Variants in LUZP1 observed in about 807,000 individuals in gnomAD.
LUZP1 encodes filamin mechanobinding actin cross-linking protein.
LUZP1 carries 25 observed loss-of-function variants against 71.3 expected under a neutral mutation model. That is an observed-to-expected ratio of 0.35 (90% CI 0.26 to 0.49). LUZP1 has a LOEUF of 0.49. Among genes scored for constraint, LUZP1 ranks in the 20% least tolerant of loss-of-function variants. LUZP1 has a pLI of 0.99. For missense variants in LUZP1, 1,142 were observed against 1,300.8 expected, an observed-to-expected ratio of 0.88 and a Z score of 1.88; for synonymous variants, 481 against 506.4, an observed-to-expected ratio of 0.95 and a Z score of 0.67.
chr1:23,091,229 G>A, exon 4 of LUZP1: 1 of 1,612,992 alleles, frequency 6.2e-7, no homozygotes, highest in South Asian at 1.1e-5. Flanking sequence ...CAGTGATGGT[G>A]TCTCCTACCC....
At position 23,094,944 on chromosome 1, in the gene LUZP1, T is replaced by A. The variant is rs147320362; in HGVS notation, c.-119-564A>T. On this transcript the variant is annotated intron_variant, in intron 3 of 4. Transcript: ENST00000302291. The surrounding 1 kb of genome is among the most constrained non-coding windows in gnomAD (Gnocchi z 4.7). ...TGAGCTTCACAATATACTAAAACAA[T>A]CTCTCTACACCCATTTTCAACATCT... is the stretch of plus-strand genomic sequence containing the variant. 2.7e-3 allele frequency among the ~76,000 whole-genome samples: 410 copies of A among 152,174 alleles called. 2 individuals are homozygous for A. The South Asian group carries it at 0.037, about 14-fold the overall frequency.
intron 2 of LUZP1, among the ~76,000 whole-genome samples, chr1:23,123,216 G>A (rs1309713981): frequency 2.6e-5 from 4 of 152,108 alleles, no homozygotes; most frequent in East Asian, 1.9e-4. Flanking sequence ...TAGGCTGGCC[G>A]GGCGCGGTGG....
At chr1:23,140,054 G>A (rs75116335) in intron 2 of LUZP1, among the ~76,000 whole-genome samples, 27,641 of 151,960 alleles carry the variant, frequency 0.18, 2,667 homozygotes, top group Middle Eastern at 0.31. Flanking sequence ...GAGAGAGTAA[G>A]GGCTGGGTGT....
chr1:23,087,820 T>C (rs183222708), exon 5 of LUZP1: 4 of 152,778 alleles, frequency 2.6e-5, no homozygotes, highest in Admixed American at 2.0e-4. Context: ...GAAGTCATCA[T>C]GATAGTCGAC....
intron 2 of LUZP1, among the ~76,000 whole-genome samples, chr1:23,131,867 G>T (rs1644218273): frequency 6.6e-6 from 1 of 152,120 alleles, no homozygotes; most frequent in African/African-American, 2.4e-5. Flanking sequence ...TGTATTTTTA[G>T]TAGAGACGAG....
chr1:23,106,627 A>G (rs549985615), intron 3 of LUZP1, among the ~76,000 whole-genome samples: 2 of 152,190 alleles, frequency 1.3e-5, no homozygotes, highest in African/African-American at 4.8e-5. Context: ...CAAAAATTTA[A>G]ATTAAAAAAA....
At position 23,091,973 on chromosome 1, in the gene LUZP1, C is replaced by G; in HGVS notation, c.2289G>C (p.Lys763Asn). The G allele has an allele frequency of 1.2e-6, 2 of 1,614,118 alleles. No homozygotes were observed. Among genetic ancestry groups the G allele is most frequent in the Non-Finnish European group, 1.7e-6 (2 of 1,180,018 alleles). The change falls in exon 4 of 5, where the codon AAG (lysine) becomes AAC (asparagine). Residue 763 changes from lysine (K) to asparagine (N), a missense_variant. Lys to Asn is a moderately conservative substitution (Grantham distance 94). Coordinates refer to ENST00000302291, the Ensembl canonical transcript of LUZP1. ...ATCCTCCCATGATTTTTTTCACATC[C>G]TTATCAACAATAACAGGTTTGATGA...
At chr1:23,099,301 T>C (rs1007234138) in intron 3 of LUZP1, among the ~76,000 whole-genome samples, 2 of 152,350 alleles carry the variant, frequency 1.3e-5, no homozygotes, top group African/African-American at 4.8e-5. Context: ...AATGAGTGTA[T>C]GATACAAAGG....
chr1:23,155,408 A>C (rs1261933242), intron 2 of LUZP1, among the ~76,000 whole-genome samples: 1 of 152,242 alleles, frequency 6.6e-6, no homozygotes, highest in Non-Finnish European at 1.5e-5. Flanking sequence ...GAGTAAACTC[A>C]AGGTCAAATC....
At chr1:23,167,408 C>G (rs1047914367) in intron 2 of LUZP1, among the ~76,000 whole-genome samples, 6 of 152,298 alleles carry the variant, frequency 3.9e-5, no homozygotes, top group African/African-American at 1.4e-4. Flanking sequence ...TTTTCTCCTC[C>G]AACGACAGAT....
chr1:23,133,646 C>G (rs1644231414), intron 2 of LUZP1: 1 of 152,086 alleles, frequency 6.6e-6, no homozygotes, highest in African/African-American at 2.4e-5. Flanking sequence ...ACTTGTCATC[C>G]CAGCTTCTTG....
At chr1:23,092,015 C>A in exon 4 of LUZP1, 1 of 1,614,146 alleles carries the variant, frequency 6.2e-7, no homozygotes, top group Non-Finnish European at 8.5e-7. Flanking sequence ...TAGACCGCAA[C>A]GCCTCTCTGG....
Position 23,154,875 on chromosome 1 carries a change from C to T in LUZP1, c.-226+13891G>A, listed in dbSNP as rs184031904. Among the ~76,000 whole-genome samples, 18 of 152,032 alleles carry T rather than the reference C, an allele frequency of 1.2e-4. No individual in the cohort carries two copies. In the East Asian group the frequency reaches 3.3e-3, roughly 28 times the overall value. On this transcript the variant is annotated intron_variant, in intron 2 of 4. Coordinates refer to ENST00000302291, the Ensembl canonical transcript of LUZP1. ...CTCCCTCTAAGTTACCTTATTATTT[C>T]CGTATTAATTCTCCCTGCTCCATTA... is the stretch of plus-strand genomic sequence containing the variant.
Position 23,094,445 on chromosome 1 carries a change from T to C in LUZP1, c.-119-65A>G. On this transcript the variant is annotated intron_variant, in intron 3 of 4. Coordinates refer to ENST00000302291, the Ensembl canonical transcript of LUZP1. This position sits in a 1 kb window ranked among gnomAD's most constrained non-coding sequence, Gnocchi z 4.7. ...TAAAACCTGCACGTTAGCTCCCAGT[T>C]ATAGAAAAGTGCTCCTATCTGTTCC... is the stretch of plus-strand genomic sequence containing the variant. 1 of 1,221,962 alleles carries C rather than the reference T, an allele frequency of 8.2e-7. No homozygotes were observed. The highest frequency in any genetic ancestry group is 1.1e-6 in the Non-Finnish European group (1 of 933,614). The allele number at this position is 1,221,962 out of a possible 1,614,324, so 75.7% of individuals were successfully genotyped here.
chr1:23,092,804 T>C, exon 4 of LUZP1: 3 of 1,613,892 alleles, frequency 1.9e-6, no homozygotes, highest in Non-Finnish European at 2.5e-6. Flanking sequence ...CCTTCCACGC[T>C]TTACTGTGCT....
exon 5 of LUZP1, chr1:23,084,595 A>G (rs1186361095): frequency 1.3e-5 from 2 of 152,138 alleles, no homozygotes; most frequent in South Asian, 2.1e-4. Context: ...ACTGACTGAC[A>G]GATAGATGAT....
chr1:23,117,454 C>CCTCTCTCTCTCTCT lies in LUZP1; in HGVS notation c.-225-8341_-225-8328dup, dbSNP rs1185318512. On this transcript the variant is annotated intron_variant, in intron 2 of 4. Transcript: ENST00000302291. ...CACTGTACACATTCTTTTTTTTTTT[C>CCTCTCTCTCTCTCT]CTCTCTCTCTCTCTCTCTCTCTCCC... 6.8e-3 allele frequency among the ~76,000 whole-genome samples: 91 copies of CCTCTCTCTCTCTCT among 13,356 alleles called. 5 individuals are homozygous for CCTCTCTCTCTCTCT. The highest frequency in any genetic ancestry group is 0.045 in the Middle Eastern group (1 of 22). The allele number at this position is 13,356 out of a possible 152,430, so 8.8% of individuals were successfully genotyped here. A position where few individuals can be genotyped will look rare whatever the true frequency, so the allele number is the denominator to read the frequency against.
intron 2 of LUZP1, chr1:23,133,438 TCCCTACAACGGAAAGATAAAACTTAC>T (rs1412467553): frequency 6.6e-6 from 1 of 152,030 alleles, no homozygotes; most frequent in Non-Finnish European, 1.5e-5. Context: ...GAAGTAGGGA[TCCCTACAACGGAAAGATAAAACTTAC>T]CATCAACAAT....
chr1:23,137,178 C>G (rs998757182), intron 2 of LUZP1, among the ~76,000 whole-genome samples: 1 of 152,116 alleles, frequency 6.6e-6, no homozygotes, highest in African/African-American at 2.4e-5. Flanking sequence ...AGACGAGTAT[C>G]CAGAATATAC....
Sources: gnomAD v4.1 joint callset for allele counts (sites outside exome capture counted in the v4.1 genomes callset) on GRCh38, gnomAD v4.1.1 for gene constraint, Gnocchi (gnomAD v3.1) non-coding constraint, MANE v1.5 for transcripts, NCBI Gene and HGNC (gene_info 2026-07-23, HGNC 2026-07-21) for gene names.